Variants in ITPR2 observed in about 807,000 individuals in gnomAD.
ITPR2 encodes the protein inositol 1,4,5-trisphosphate-gated calcium channel ITPR2.
A neutral mutation model predicts 317.1 loss-of-function variants in ITPR2; 207 were observed. The observed-to-expected ratio is 0.65, with a 90% CI of 0.58 to 0.73. The LOEUF is 0.73. ITPR2 is among the 30% of genes least tolerant of loss of function. The pLI, the probability that ITPR2 is intolerant of heterozygous loss-of-function variation, is 0.00. For synonymous variants in ITPR2, 1,156 were observed against 1,149.1 expected (o/e 1.01, Z -0.12); for missense variants, 2,613 against 3,284.0 (o/e 0.80, Z 4.99).
At chr12:26,478,070 T>C (rs1341973818) in intron 43 of ITPR2, among the ~76,000 whole-genome samples, 1 of 152,164 alleles carries the variant, frequency 6.6e-6, no homozygotes, top group Non-Finnish European at 1.5e-5. Context: ...GTGTTTGGTC[T>C]AAACAAATAA....
At chr12:26,567,978 TTATA>T (rs1207413714) in intron 34 of ITPR2, among the ~76,000 whole-genome samples, 2,972 of 27,060 alleles carry the variant, frequency 0.11, 203 homozygotes, top group African/African-American at 0.21. Context: ...ATTATATATA[TTATA>T]TATATATATA....
Position 26,336,807 on chromosome 12 carries a change from A to G in ITPR2, c.*2590T>C, listed in dbSNP as rs1279875887. 1 of 152,182 alleles carries G rather than the reference A, an allele frequency of 6.6e-6. No homozygotes were observed. Among genetic ancestry groups the G allele is most frequent in the Non-Finnish European group, 1.5e-5 (1 of 68,020 alleles). 9.4% of individuals were successfully genotyped at this position (152,182 alleles called of 1,614,324 possible). On this transcript the variant is annotated 3_prime_UTR_variant, in exon 57 of 57. Coordinates refer to ENST00000381340, the MANE Select transcript of ITPR2 (RefSeq NM_002223.4). Reference sequence around the variant, plus strand: ...TTGATGTCACTATATAAATACAAGGATGTTAACTGATACTCACCTAAGTCA... The same window carrying G: ...TTGATGTCACTATATAAATACAAGGGTGTTAACTGATACTCACCTAAGTCA...
At chr12:26,620,341 C>T (rs148424822) in intron 26 of ITPR2, among the ~76,000 whole-genome samples, 10 of 152,302 alleles carry the variant, frequency 6.6e-5, no homozygotes, top group South Asian at 4.1e-4. Context: ...TCTGTTTTCA[C>T]GTTTCACTTC....
At chr12:26,576,816 G>A (rs538498859) in intron 34 of ITPR2, among the ~76,000 whole-genome samples, 6 of 152,168 alleles carry the variant, frequency 3.9e-5, no homozygotes, top group Non-Finnish European at 7.4e-5. Context: ...GCTTTATTGT[G>A]TCCCTCGAAG....
intron 5 of ITPR2, among the ~76,000 whole-genome samples, 187 bp downstream of exon 5, chr12:26,722,210 T>C (rs1280720155): frequency 6.6e-6 from 1 of 152,242 alleles, no homozygotes; most frequent in African/African-American, 2.4e-5. Flanking sequence ...ATCTGAACTT[T>C]GTCTTATGAC....
chr12:26,482,777 T>C (rs1233123309), intron 42 of ITPR2, among the ~76,000 whole-genome samples: 1 of 152,224 alleles, frequency 6.6e-6, no homozygotes, highest in Admixed American at 6.5e-5. Context: ...TAAATGTATG[T>C]GTGTGTGCAT....
intron 49 of ITPR2, among the ~76,000 whole-genome samples, chr12:26,420,864 A>G (rs946902272): frequency 6.6e-6 from 1 of 152,138 alleles, no homozygotes; most frequent in East Asian, 1.9e-4. Context: ...AGTGTCCAGA[A>G]GTCATATTCA....
At chr12:26,348,937 G>A (rs1355139212) in intron 55 of ITPR2, among the ~76,000 whole-genome samples, 1 of 152,068 alleles carries the variant, frequency 6.6e-6, no homozygotes, top group African/African-American at 2.4e-5. Context: ...GTGTGGTGGT[G>A]TACACCTATA....
intron 21 of ITPR2, among the ~76,000 whole-genome samples, chr12:26,646,368 C>T (rs1484740676): frequency 1.3e-5 from 2 of 152,028 alleles, no homozygotes; most frequent in African/African-American, 2.4e-5. Context: ...TCTCAATTTC[C>T]CTTCTCCTTT....
At chr12:26,652,487 G>A (rs1164072389) in intron 21 of ITPR2, among the ~76,000 whole-genome samples, 1 of 152,178 alleles carries the variant, frequency 6.6e-6, no homozygotes, top group African/African-American at 2.4e-5. Context: ...TTTTAATACT[G>A]TAGTGGATGT....
chr12:26,518,543 G>C (rs1364864131), intron 37 of ITPR2, among the ~76,000 whole-genome samples: 2 of 151,270 alleles, frequency 1.3e-5, no homozygotes, highest in African/African-American at 4.9e-5. Context: ...AGGGGGGGCG[G>C]GAATAAATAC....
intron 2 of ITPR2, among the ~76,000 whole-genome samples, chr12:26,773,722 AGGC>A (rs1949910462): frequency 6.6e-6 from 1 of 152,224 alleles, no homozygotes; most frequent in Admixed American, 6.5e-5. Flanking sequence ...CCCAATACAG[AGGC>A]TCAAGTATTT....
intron 2 of ITPR2, among the ~76,000 whole-genome samples, chr12:26,778,380 T>C (rs138116382): frequency 6.6e-6 from 1 of 152,340 alleles, no homozygotes; most frequent in East Asian, 1.9e-4. Context: ...AGATGGATCT[T>C]AGAGAATGAC....
intron 52 of ITPR2, among the ~76,000 whole-genome samples, chr12:26,404,921 G>A (rs1240851468): frequency 6.6e-6 from 1 of 152,086 alleles, no homozygotes; most frequent in East Asian, 1.9e-4. Context: ...ACTACCTGAG[G>A]TCAGGAGTTC....
At chr12:26,783,594 A>T (rs1950134446) in intron 2 of ITPR2, among the ~76,000 whole-genome samples, 1 of 152,346 alleles carries the variant, frequency 6.6e-6, no homozygotes. Flanking sequence ...AGAAGGGTGG[A>T]AAGGAACAGG....
rs151059663 is a variant in ITPR2, at chr12:26,470,113, G to T, written c.6342+5183C>A. 4.1e-3 allele frequency among the ~76,000 whole-genome samples: 618 copies of T among 152,158 alleles called. 4 individuals carry two copies. Among genetic ancestry groups the T allele is most frequent in the Middle Eastern group, 0.017 (5 of 294 alleles). On this transcript the variant is annotated intron_variant, in intron 45 of 56. Coordinates refer to ENST00000381340, the MANE Select transcript of ITPR2 (RefSeq NM_002223.4). ...TGGCCTTGAAGATGGCTAGATTTTG[G>T]CCCTAATCTCTTCTACTAAAACTTT...
intron 34 of ITPR2, among the ~76,000 whole-genome samples, chr12:26,563,588 G>A (rs1020608494): frequency 1.3e-5 from 2 of 151,974 alleles, no homozygotes; most frequent in South Asian, 4.1e-4. Flanking sequence ...GGAGAGAGAA[G>A]AGGCAGCACC....
chr12:26,783,918 G>T (rs538039665), intron 2 of ITPR2, among the ~76,000 whole-genome samples: 2 of 152,244 alleles, frequency 1.3e-5, no homozygotes, highest in East Asian at 3.9e-4. Flanking sequence ...ACAGAATAGA[G>T]CAAACTAAGG....
At position 26,589,816 on chromosome 12, in the gene ITPR2, ATAAATAAAT is replaced by A. The variant is rs1565624234; in HGVS notation, c.4380+5640_4380+5648del. Among the ~76,000 whole-genome samples, 17 of 38,706 alleles carry A rather than the reference ATAAATAAAT, an allele frequency of 4.4e-4. 2 individuals are homozygous for A. The highest frequency in any genetic ancestry group is 1.2e-3 in the African/African-American group (16 of 13,898). The allele number at this position is 38,706 out of a possible 152,430, so 25.4% of individuals were successfully genotyped here. Reference sequence around the variant, plus strand: ...AAAAAAATAAATAAATAAAAAATAAATAAATAAATAAATAAACATATATATATATATATA... The same window carrying A: ...AAAAAAATAAATAAATAAAAAATAAAAAATAAACATATATATATATATATA... On this transcript the variant is annotated intron_variant, in intron 32 of 56. Transcript: ENST00000381340.
Sources: gnomAD v4.1 joint callset for allele counts (sites outside exome capture counted in the v4.1 genomes callset) on GRCh38, gnomAD v4.1.1 for gene constraint, MANE v1.5 for transcripts, NCBI Gene and HGNC (gene_info 2026-07-23, HGNC 2026-07-21) for gene names.